SHC3: variants seen among roughly 807,000 people sequenced by gnomAD.
SHC3 encodes the protein SHC adaptor protein 3, also known as SHC-transforming protein 3.
In SHC3, 15 loss-of-function variants were observed where a neutral mutation model predicts 60.4. The ratio of observed to expected loss-of-function variants is 0.25; its 90% CI spans 0.17 to 0.38. SHC3 has a LOEUF of 0.38. Among genes scored for constraint, SHC3 ranks in the 10% least tolerant of loss-of-function variants. The pLI, the probability that SHC3 is intolerant of heterozygous loss-of-function variation, is 1.00. For synonymous variants in SHC3, 294 were observed against 325.9 expected (o/e 0.90, Z 1.05); for missense variants, 677 against 786.1 (o/e 0.86, Z 1.66).
At chr9:89,174,460 T>C (rs1826913793) in intron 1 of SHC3, among the ~76,000 whole-genome samples, 1 of 152,312 alleles carries the variant, frequency 6.6e-6, no homozygotes, top group African/African-American at 2.4e-5. Flanking sequence ...CTGAAACCTA[T>C]GTAACTTCGC....
chr9:89,016,324 A>G (rs1363661898), intron 11 of SHC3, among the ~76,000 whole-genome samples: 1 of 152,164 alleles, frequency 6.6e-6, no homozygotes, highest in Non-Finnish European at 1.5e-5. Context: ...CATTTGGTTT[A>G]CAATATTCCC....
rs537697110 is a variant in SHC3, at chr9:89,074,850, C to T, written c.729+259G>A. ...TTAAGAAGAGACTTTGCACACACATCATTTTTTTTTTTTTACATTGCAAGT... is the reference window on the plus strand; with the variant it reads ...TTAAGAAGAGACTTTGCACACACATTATTTTTTTTTTTTTACATTGCAAGT... On this transcript the variant is annotated intron_variant, in intron 4 of 11. Transcript: ENST00000375835. 1.7e-4 allele frequency among the ~76,000 whole-genome samples: 26 copies of T among 151,476 alleles called. No homozygotes were observed. In the South Asian group the frequency reaches 5.2e-3, roughly 31 times the overall value.
intron 3 of SHC3, among the ~76,000 whole-genome samples, chr9:89,076,424 C>A (rs1825359445): frequency 1.3e-5 from 2 of 152,200 alleles, no homozygotes; most frequent in African/African-American, 4.8e-5. Flanking sequence ...GAATGTGCAA[C>A]CTCAGGGCAG....
intron 1 of SHC3, among the ~76,000 whole-genome samples, chr9:89,148,379 A>G (rs1826499852): frequency 6.6e-6 from 1 of 152,256 alleles, no homozygotes; most frequent in Non-Finnish European, 1.5e-5. Context: ...TTCTATTTAT[A>G]ACCTCCTGTG....
chr9:89,107,840 T>G (rs948816460), intron 2 of SHC3, among the ~76,000 whole-genome samples: 1 of 152,222 alleles, frequency 6.6e-6, no homozygotes, highest in African/African-American at 2.4e-5. Flanking sequence ...TCCCTTTCCC[T>G]GGCATGTTTA....
At chr9:89,096,782 A>G (rs1044726094) in intron 2 of SHC3, among the ~76,000 whole-genome samples, 1 of 152,236 alleles carries the variant, frequency 6.6e-6, no homozygotes, top group Non-Finnish European at 1.5e-5. Flanking sequence ...TAGAGAGTGA[A>G]GGTCAGAGAG....
In SHC3 at chr9:89,152,745, T is replaced by G. The variant is rs115282997; in HGVS notation, c.474+25242A>C. 6.2e-3 allele frequency among the ~76,000 whole-genome samples: 945 copies of G among 152,356 alleles called. 9 individuals are homozygous for G. The highest frequency in any genetic ancestry group is 0.021 in the African/African-American group (888 of 41,582). ...AAGGGAAACTCTACTTTTCATAAAT[T>G]AATTTGTCTAATGTACTTTATACAG... On this transcript the variant is annotated intron_variant, in intron 1 of 11. Transcript: ENST00000375835.
chr9:89,162,141 C>A (rs1826716533), intron 1 of SHC3, among the ~76,000 whole-genome samples: 4 of 145,852 alleles, frequency 2.7e-5, no homozygotes, highest in African/African-American at 2.6e-5. Context: ...TAGGAAGAAT[C>A]AATATCGTGA....
intron 2 of SHC3, among the ~76,000 whole-genome samples, chr9:89,096,706 C>G (rs1285386190): frequency 3.9e-5 from 6 of 152,056 alleles, no homozygotes; most frequent in African/African-American, 1.4e-4. Flanking sequence ...TGTTTTAACC[C>G]CCAGCGGACA....
rs1018783326 is a variant in SHC3 at position 89,006,830 on chromosome 9, C to A, written c.*6617G>T. 8 of 152,176 alleles carry A rather than the reference C, an allele frequency of 5.3e-5. No individual in the cohort carries two copies. The highest frequency in any genetic ancestry group is 1.9e-4 in the African/African-American group (8 of 41,430). The allele number at this position is 152,176 out of a possible 1,614,324, so 9.4% of individuals were successfully genotyped here. ...ACATAGCTGTTAACAAAATTAACCC[C>A]ATTAATATTTAAAGACGGATTTATC... is the stretch of plus-strand genomic sequence containing the variant. On this transcript the variant is annotated 3_prime_UTR_variant, in exon 12 of 12. Transcript: ENST00000375835.
intron 6 of SHC3, among the ~76,000 whole-genome samples, chr9:89,065,205 C>G (rs570550009): frequency 6.6e-6 from 1 of 152,154 alleles, no homozygotes; most frequent in Non-Finnish European, 1.5e-5. Context: ...GGAGCTGAAG[C>G]TGGGCAGGAG....
chr9:89,119,648 C>T (rs982522171), intron 1 of SHC3, among the ~76,000 whole-genome samples: 7 of 152,188 alleles, frequency 4.6e-5, no homozygotes, highest in African/African-American at 1.4e-4. Context: ...TGTGGAAAGA[C>T]ATGTCATGCT....
chr9:89,173,357 C>T (rs1052430040), intron 1 of SHC3, among the ~76,000 whole-genome samples: 1 of 152,252 alleles, frequency 6.6e-6, no homozygotes, highest in African/African-American at 2.4e-5. Context: ...GTTTGCTGCC[C>T]AGGCTTTCTG....
At chr9:89,026,129 C>T (rs1826294473) in intron 11 of SHC3, among the ~76,000 whole-genome samples, 1 of 151,950 alleles carries the variant, frequency 6.6e-6, no homozygotes, top group Non-Finnish European at 1.5e-5. Context: ...GTGGTGCATG[C>T]CTGTAATCCA....
intron 2 of SHC3, chr9:89,108,989 C>T (rs1825906280): frequency 1.1e-6 from 1 of 913,728 alleles, no homozygotes; most frequent in Admixed American, 6.2e-5. Context: ...GTAATAGAAC[C>T]TTCAAAGCAT....
chr9:89,150,769 G>A (rs972635322), intron 1 of SHC3, among the ~76,000 whole-genome samples: 3 of 152,150 alleles, frequency 2.0e-5, no homozygotes, highest in Non-Finnish European at 2.9e-5. Context: ...TATTTAACTT[G>A]AGGAGCTGCC....
chr9:89,052,309 A>T, intron 6 of SHC3, 146 bp from the exon 7 acceptor site: 1 of 949,088 alleles, frequency 1.1e-6, no homozygotes, highest in East Asian at 2.8e-5. Flanking sequence ...CCACAGCTTT[A>T]TCTCCAGGTA....
At chr9:89,171,431 G>T (rs1051926709) in intron 1 of SHC3, among the ~76,000 whole-genome samples, 1 of 152,222 alleles carries the variant, frequency 6.6e-6, no homozygotes, top group African/African-American at 2.4e-5. Flanking sequence ...TGAAGGCCAA[G>T]TTCCAGAGTT....
At chr9:89,091,794 C>A (rs1825625406) in intron 2 of SHC3, among the ~76,000 whole-genome samples, 1 of 152,176 alleles carries the variant, frequency 6.6e-6, no homozygotes. Context: ...CCCCTGGAGA[C>A]CTCTATTCTA....
Sources: gnomAD v4.1 joint callset for allele counts (sites outside exome capture counted in the v4.1 genomes callset) on GRCh38, gnomAD v4.1.1 for gene constraint, MANE v1.5 for transcripts, NCBI Gene and HGNC (gene_info 2026-07-23, HGNC 2026-07-21) for gene names.